Variants in MAF observed in about 807,000 individuals in gnomAD.
The protein encoded by MAF is MAF bZIP transcription factor, also known as transcription factor Maf.
In MAF, 10 loss-of-function variants were observed where a neutral mutation model predicts 22.0. That is an observed-to-expected ratio of 0.45 (90% CI 0.28 to 0.77). The LOEUF is 0.77. Ranked by LOEUF, MAF falls within the 30% of genes least tolerant of loss-of-function variation. The pLI, the probability that MAF is intolerant of heterozygous loss-of-function variation, is 0.12. For synonymous variants in MAF, 337 were observed against 255.8 expected, an observed-to-expected ratio of 1.32 and a Z score of -3.03; for missense variants, 544 against 548.4, an observed-to-expected ratio of 0.99 and a Z score of 0.08.
chr16:79,590,173 G>C (rs1015664072), downstream of MAF, among the ~76,000 whole-genome samples: 5 of 152,082 alleles, frequency 3.3e-5, no homozygotes, highest in Admixed American at 3.3e-4. Context: ...TAAAGGACTG[G>C]GATGCGGTGT....
At chr16:79,549,569 G>C in the MAF span, among the ~76,000 whole-genome samples, 1 of 152,222 alleles carries the variant, frequency 6.6e-6, no homozygotes, top group African/African-American at 2.4e-5. Flanking sequence ...CATGGCCAGT[G>C]AAGCCCAGCT....
At chr16:79,403,575 T>C in the MAF span, among the ~76,000 whole-genome samples, 8,302 of 152,086 alleles carry the variant, frequency 0.055, 558 homozygotes, top group African/African-American at 0.16. Context: ...ACTCTTTAGG[T>C]TTCAGCCCAC....
chr16:79,385,659 G>C, the MAF span, among the ~76,000 whole-genome samples: 4 of 152,308 alleles, frequency 2.6e-5, no homozygotes, highest in East Asian at 5.8e-4. Flanking sequence ...CCAGCACTTT[G>C]GGAGGCTGCG....
At chr16:79,529,730 G>A in the MAF span, among the ~76,000 whole-genome samples, 3 of 152,182 alleles carry the variant, frequency 2.0e-5, no homozygotes, top group East Asian at 5.8e-4. Context: ...GGAGGCCGAG[G>A]CGAGTGGATT....
the MAF span, among the ~76,000 whole-genome samples, chr16:79,332,549 T>A: frequency 6.6e-6 from 1 of 152,254 alleles, no homozygotes; most frequent in Non-Finnish European, 1.5e-5. Flanking sequence ...TCTACCCACC[T>A]TGGCTTCCCA....
At chr16:79,557,565 T>A in the MAF span, among the ~76,000 whole-genome samples, 1 of 152,078 alleles carries the variant, frequency 6.6e-6, no homozygotes, top group South Asian at 2.1e-4. Context: ...CTTGGGCGTG[T>A]TACAGCCCTA....
the MAF span, among the ~76,000 whole-genome samples, chr16:79,296,012 G>T: frequency 6.6e-6 from 1 of 152,234 alleles, no homozygotes; most frequent in Admixed American, 6.5e-5. Context: ...CATGGGTGGG[G>T]CTGTCCCCCT....
At chr16:79,225,640 T>C in the MAF span, among the ~76,000 whole-genome samples, 1 of 152,132 alleles carries the variant, frequency 6.6e-6, no homozygotes, top group Non-Finnish European at 1.5e-5. Context: ...GACAAAGGGC[T>C]AATATCCAGA....
At chr16:79,521,050 C>T in the MAF span, among the ~76,000 whole-genome samples, 364 of 152,276 alleles carry the variant, frequency 2.4e-3, 4 homozygotes, top group African/African-American at 8.5e-3. Context: ...CTTTTCCTAA[C>T]CACTGTATCA....
chr16:79,534,396 C>A, the MAF span, among the ~76,000 whole-genome samples: 1 of 152,176 alleles, frequency 6.6e-6, no homozygotes. Context: ...AGACTTGAGT[C>A]TCACTCCAAA....
At chr16:79,572,989 C>T in the MAF span, among the ~76,000 whole-genome samples, 1 of 152,130 alleles carries the variant, frequency 6.6e-6, no homozygotes, top group East Asian at 1.9e-4. Flanking sequence ...TATGTTCTAG[C>T]CAAAAGAAAA....
the MAF span, among the ~76,000 whole-genome samples, chr16:79,538,317 A>G: frequency 6.6e-6 from 1 of 152,246 alleles, no homozygotes; most frequent in Non-Finnish European, 1.5e-5. Context: ...TAGAGAAAGG[A>G]AGGCTTCTTT....
the MAF span, among the ~76,000 whole-genome samples, chr16:79,494,366 A>C: frequency 2.6e-5 from 4 of 152,156 alleles, no homozygotes; most frequent in Non-Finnish European, 5.9e-5. Context: ...GGCTGTCAGC[A>C]GGAGTGGCTC....
the MAF span, among the ~76,000 whole-genome samples, chr16:79,262,244 G>A: frequency 6.6e-6 from 1 of 152,170 alleles, no homozygotes; most frequent in African/African-American, 2.4e-5. Flanking sequence ...GTGAGGGCCA[G>A]ACAGCCAGTA....
the MAF span, among the ~76,000 whole-genome samples, chr16:79,465,708 T>G: frequency 1.3e-5 from 2 of 152,242 alleles, no homozygotes; most frequent in East Asian, 1.9e-4. Flanking sequence ...TTCACCATCA[T>G]GAGCTTTGTG....
the MAF span, among the ~76,000 whole-genome samples, chr16:79,210,522 G>A: frequency 2.6e-5 from 4 of 152,216 alleles, 1 homozygote; most frequent in African/African-American, 9.6e-5. Context: ...CCTTGTGGGG[G>A]CGAGCTTATC....
chr16:79,525,010 A>G, the MAF span, among the ~76,000 whole-genome samples: 2 of 152,194 alleles, frequency 1.3e-5, no homozygotes, highest in African/African-American at 4.8e-5. Context: ...AATAAGATTT[A>G]AAAAATTGGA....
chr16:79,514,051 C>T, the MAF span, among the ~76,000 whole-genome samples: 3 of 152,232 alleles, frequency 2.0e-5, no homozygotes, highest in Non-Finnish European at 2.9e-5. Context: ...TTTTATCCCT[C>T]CTTCCCCTAC....
At chr16:79,266,050 CTTTTA>C in the MAF span, among the ~76,000 whole-genome samples, 2 of 150,646 alleles carry the variant, frequency 1.3e-5, no homozygotes, top group Admixed American at 6.6e-5. Flanking sequence ...TTTTCTTTTT[CTTTTA>C]TTTCTTTGAG....
Sources: gnomAD v4.1 joint callset for allele counts (sites outside exome capture counted in the v4.1 genomes callset) on GRCh38, gnomAD v4.1.1 for gene constraint, MANE v1.5 for transcripts, NCBI Gene and HGNC (gene_info 2026-07-23, HGNC 2026-07-21) for gene names.